Variants in WWOX observed in about 807,000 individuals in gnomAD.
The protein encoded by WWOX is WW domain containing oxidoreductase.
A neutral mutation model predicts 46.2 loss-of-function variants in WWOX; 69 were observed. The observed-to-expected ratio is 1.49, with a 90% CI of 1.23 to 1.82. WWOX has a LOEUF of 1.82. WWOX is among the 40% of genes most tolerant of loss of function. The pLI is 0.00. For missense variants in WWOX, 919 were observed against 542.6 expected (o/e 1.69, Z -6.89); for synonymous variants, 359 against 202.6 (o/e 1.77, Z -6.56).
At chr16:78,653,512 T>C (rs1031353719) in intron 8 of WWOX, among the ~76,000 whole-genome samples, 9 of 152,330 alleles carry the variant, frequency 5.9e-5, no homozygotes, top group South Asian at 2.1e-4. Flanking sequence ...TGGAGGGTGC[T>C]TATGAGGAAG....
intron 8 of WWOX, among the ~76,000 whole-genome samples, chr16:78,663,775 C>T (rs534105614): frequency 6.6e-6 from 1 of 152,114 alleles, no homozygotes; most frequent in Non-Finnish European, 1.5e-5. Context: ...GAACTACACC[C>T]TGAATGAAGA....
chr16:79,197,697 C>T (rs986273132), intron 8 of WWOX, among the ~76,000 whole-genome samples: 4 of 152,128 alleles, frequency 2.6e-5, no homozygotes, highest in Non-Finnish European at 4.4e-5. Context: ...AAACATATTG[C>T]TTGGTAATTT....
chr16:78,199,795 C>T (rs968459009), intron 5 of WWOX, among the ~76,000 whole-genome samples: 4 of 152,022 alleles, frequency 2.6e-5, no homozygotes, highest in African/African-American at 9.7e-5. Context: ...CAAGATCCCT[C>T]TTCTCTCTTG....
At chr16:78,372,720 CTTTA>C in intron 5 of WWOX, among the ~76,000 whole-genome samples, 1 of 152,208 alleles carries the variant, frequency 6.6e-6, no homozygotes, top group Non-Finnish European at 1.5e-5. Flanking sequence ...TCAGATTAAT[CTTTA>C]TTTAATTTCT....
intron 8 of WWOX, among the ~76,000 whole-genome samples, chr16:78,480,053 C>T (rs1048291890): frequency 4.6e-5 from 7 of 152,314 alleles, no homozygotes; most frequent in East Asian, 1.9e-4. Context: ...AGGTGGATTA[C>T]AGAATTGTGC....
intron 8 of WWOX, chr16:79,016,631 C>G (rs1299404305): frequency 1.3e-5 from 2 of 152,138 alleles, no homozygotes; most frequent in African/African-American, 2.4e-5. Flanking sequence ...CCATGTTGCT[C>G]AGGCTGGTCT....
At chr16:78,640,765 C>T (rs2046687733) in intron 8 of WWOX, among the ~76,000 whole-genome samples, 1 of 151,774 alleles carries the variant, frequency 6.6e-6, no homozygotes, top group African/African-American at 2.4e-5. Flanking sequence ...ACGGTGAAAC[C>T]CCGACTCTAC....
intron 8 of WWOX, among the ~76,000 whole-genome samples, chr16:78,886,570 A>T (rs2044462250): frequency 6.0e-5 from 9 of 151,166 alleles, no homozygotes; most frequent in Admixed American, 5.3e-4. Flanking sequence ...GTTTTAAGAC[A>T]CTTGGTACAC....
intron 8 of WWOX, chr16:79,016,503 A>G (rs1274076761): frequency 6.6e-6 from 1 of 152,156 alleles, no homozygotes; most frequent in East Asian, 1.9e-4. Context: ...GCTCACTGCA[A>G]CCTCTGCCTC....
At chr16:78,807,325 G>A (rs1197716753) in intron 8 of WWOX, among the ~76,000 whole-genome samples, 1 of 152,204 alleles carries the variant, frequency 6.6e-6, no homozygotes. Flanking sequence ...GTTTACAGAT[G>A]CCAGTGACAC....
At chr16:78,497,315 A>G (rs1466409128) in intron 8 of WWOX, among the ~76,000 whole-genome samples, 1 of 152,206 alleles carries the variant, frequency 6.6e-6, no homozygotes, top group African/African-American at 2.4e-5. Flanking sequence ...AGAAAAATCA[A>G]CTCAAAGTGG....
At chr16:78,388,696 G>A (rs909524634) in intron 6 of WWOX, among the ~76,000 whole-genome samples, 2 of 147,962 alleles carry the variant, frequency 1.4e-5, no homozygotes, top group African/African-American at 2.5e-5. Flanking sequence ...TCAGCCTGGC[G>A]TGGTGGCTCA....
intron 8 of WWOX, among the ~76,000 whole-genome samples, chr16:78,531,202 C>T (rs986727451): frequency 2.6e-5 from 4 of 152,162 alleles, no homozygotes; most frequent in South Asian, 2.1e-4. Context: ...GCCTTTTCAG[C>T]GTGAATGCAG....
At chr16:78,698,844 C>G (rs1597460317) in intron 8 of WWOX, among the ~76,000 whole-genome samples, 1 of 152,074 alleles carries the variant, frequency 6.6e-6, no homozygotes, top group Non-Finnish European at 1.5e-5. Context: ...TGGTGAGACC[C>G]TGTCTCTAAA....
At chr16:78,883,446 G>A (rs2044385728) in intron 8 of WWOX, among the ~76,000 whole-genome samples, 1 of 152,172 alleles carries the variant, frequency 6.6e-6, no homozygotes, top group Admixed American at 6.6e-5. Context: ...ACCATGGGCT[G>A]GGCATGGTGG....
chr16:78,247,046 T>C (rs1264527103), intron 5 of WWOX, among the ~76,000 whole-genome samples: 1 of 152,148 alleles, frequency 6.6e-6, no homozygotes, highest in Admixed American at 6.5e-5. Flanking sequence ...TTGAAAGATG[T>C]ATTTTGTATA....
intron 8 of WWOX, among the ~76,000 whole-genome samples, chr16:78,916,096 G>T (rs145627992): frequency 6.6e-6 from 1 of 152,150 alleles, no homozygotes; most frequent in Non-Finnish European, 1.5e-5. Flanking sequence ...GAGGTGGTCA[G>T]ATTCCCAGCA....
intron 8 of WWOX, among the ~76,000 whole-genome samples, chr16:78,803,273 G>A (rs1023272377): frequency 4.0e-5 from 6 of 150,762 alleles, no homozygotes; most frequent in East Asian, 3.9e-4. Context: ...AAACCACCAC[G>A]TGCTCTTGTG....
At chr16:78,100,646 A>T (rs889778663) in intron 1 of WWOX, among the ~76,000 whole-genome samples, 1 of 152,172 alleles carries the variant, frequency 6.6e-6, no homozygotes. Context: ...TAACTGTGTG[A>T]CCTTGGGCCA....
Sources: allele counts gnomAD v4.1 joint callset (sites outside exome capture counted in the v4.1 genomes callset), GRCh38; gene constraint gnomAD v4.1.1; transcripts MANE v1.5; gene names NCBI Gene and HGNC (gene_info 2026-07-23, HGNC 2026-07-21).